The following HEATR5A variants were observed in gnomAD, a reference collection of about 807,000 sequenced individuals.
HEATR5A encodes HEAT repeat-containing protein 5A.
HEATR5A carries 178 observed loss-of-function variants against 218.8 expected under a neutral mutation model. The ratio of observed to expected loss-of-function variants is 0.81; its 90% confidence interval spans 0.72 to 0.92. HEATR5A has a LOEUF of 0.92. HEATR5A is among the 40% of genes least tolerant of loss of function. The pLI is 0.00. For missense variants in HEATR5A, 2,420 were observed against 2,418.9 expected (o/e 1.00, Z -0.01); for synonymous variants, 864 against 871.6 (o/e 0.99, Z 0.15).
At chr14:31,336,518 T>G (rs1900676652) in intron 22 of HEATR5A, among the ~76,000 whole-genome samples, 1 of 152,024 alleles carries the variant, frequency 6.6e-6, no homozygotes. Context: ...AGGCTAATAG[T>G]TTCTTTGAAT....
At chr14:31,347,649 A>G in intron 19 of HEATR5A, 99 bp downstream of exon 19, 3 of 895,028 alleles carry the variant, frequency 3.4e-6, no homozygotes, top group Non-Finnish European at 4.5e-6. Context: ...TTACTATGGG[A>G]GGAAACTATA....
In HEATR5A at chr14:31,315,853, C is replaced by A. The variant is rs147839466; in HGVS notation, c.4135G>T (p.Ala1379Ser). 7.2e-4 allele frequency: 1,155 copies of A among 1,611,444 alleles called. 18 individuals are homozygous for A. In the African/African-American group the frequency reaches 0.013, roughly 18 times the overall value. Reference sequence around the variant, plus strand: ...AAGTGACTTAGAGCTTCTTTTCCAGCCTGTATTTTAGTTAACGATGAAACA... The same window carrying A: ...AAGTGACTTAGAGCTTCTTTTCCAGACTGTATTTTAGTTAACGATGAAACA... ...LLVSSLTKIQ[A>S]GKEALSHLYN... Residue 1379 changes from alanine to serine, a missense_variant, in exon 27 of 36, where the codon GCT becomes TCT. Coordinates refer to ENST00000543095, the MANE Select transcript of HEATR5A (RefSeq NM_015473.4).
intron 7 of HEATR5A, among the ~76,000 whole-genome samples, chr14:31,388,637 G>C (rs993332223): frequency 2.0e-5 from 3 of 152,114 alleles, no homozygotes; most frequent in African/African-American, 7.2e-5. Flanking sequence ...TCCATTATTA[G>C]GAACGCAAAA....
chr14:31,387,523 T>C (rs1048464466), intron 7 of HEATR5A, 148 bp from the exon 8 acceptor site: 6 of 708,644 alleles, frequency 8.5e-6, no homozygotes, highest in Non-Finnish European at 1.2e-5. Context: ...TATACAAACA[T>C]AGCACCATTT....
chr14:31,395,454 T>C, intron 4 of HEATR5A, 106 bp from the exon 5 acceptor site: 2 of 528,238 alleles, frequency 3.8e-6, no homozygotes, highest in Non-Finnish European at 6.5e-6. Flanking sequence ...CAGACTTCTC[T>C]ACATACTAAC....
chr14:31,315,652 G>T, intron 27 of HEATR5A, 118 bp downstream of exon 27: 2 of 702,740 alleles, frequency 2.8e-6, no homozygotes, highest in Non-Finnish European at 4.5e-6. Context: ...AATTCTTTTT[G>T]TTTAACCTTA....
At chr14:31,395,977 T>A (rs1213896686) in intron 4 of HEATR5A, among the ~76,000 whole-genome samples, 1 of 152,200 alleles carries the variant, frequency 6.6e-6, no homozygotes, top group East Asian at 1.9e-4. Flanking sequence ...ATTGTTCTTA[T>A]TTCCTCATCT....
intron 30 of HEATR5A, 93 bp from the exon 31 acceptor site, chr14:31,306,972 A>G (rs1899574629): frequency 9.5e-7 from 1 of 1,054,530 alleles, no homozygotes; most frequent in Admixed American, 3.0e-5. Flanking sequence ...CAAAATTCAG[A>G]AAAACAGAAT....
At chr14:31,294,428 C>CTT (rs1566743630) in intron 34 of HEATR5A, among the ~76,000 whole-genome samples, 151 of 56,142 alleles carry the variant, frequency 2.7e-3, no homozygotes, top group African/African-American at 6.7e-3. Context: ...CCTCCTGTAA[C>CTT]ATTTTTTTTT....
At chr14:31,368,540 C>T (rs1397944973) in intron 13 of HEATR5A, among the ~76,000 whole-genome samples, 3 of 150,986 alleles carry the variant, frequency 2.0e-5, no homozygotes, top group Non-Finnish European at 4.4e-5. Context: ...AGGAAGACTT[C>T]TTTTTTTTTG....
intron 8 of HEATR5A, 136 bp downstream of exon 8, chr14:31,386,984 A>T: frequency 1.2e-6 from 1 of 807,502 alleles, no homozygotes; most frequent in Non-Finnish European, 2.0e-6. Flanking sequence ...TATAGGAAGT[A>T]CAACATGAAT....
At chr14:31,299,173 T>G (rs1241046281) in intron 33 of HEATR5A, among the ~76,000 whole-genome samples, 1 of 152,220 alleles carries the variant, frequency 6.6e-6, no homozygotes, top group Non-Finnish European at 1.5e-5. Context: ...CCAGACTACT[T>G]TTGAAATAAC....
chr14:31,328,137 A>G (rs1900332288), intron 22 of HEATR5A, among the ~76,000 whole-genome samples: 2 of 151,694 alleles, frequency 1.3e-5, no homozygotes, highest in African/African-American at 4.8e-5. Flanking sequence ...ATTACCTTGT[A>G]GAGACGAGGT....
chr14:31,306,932 T>C (rs990405431), intron 30 of HEATR5A, 53 bp from the exon 31 acceptor site: 36 of 1,393,720 alleles, frequency 2.6e-5, no homozygotes, highest in Middle Eastern at 1.9e-4. Context: ...ACATTTCTTT[T>C]GTAAAAAATA....
At chr14:31,413,526 T>C (rs555582553) in intron 1 of HEATR5A, among the ~76,000 whole-genome samples, 2 of 151,650 alleles carry the variant, frequency 1.3e-5, no homozygotes, top group Non-Finnish European at 2.9e-5. Context: ...TCCTTCCAGA[T>C]TACAAAAGAG....
chr14:31,414,482 C>T (rs1409919263), intron 1 of HEATR5A, among the ~76,000 whole-genome samples: 10 of 152,074 alleles, frequency 6.6e-5, no homozygotes, highest in African/African-American at 2.4e-4. Context: ...ATGAAAGAGA[C>T]AAATAATATT....
intron 34 of HEATR5A, chr14:31,295,439 T>C (rs1331411274): frequency 6.5e-6 from 1 of 152,686 alleles, no homozygotes; most frequent in Admixed American, 6.6e-5. Flanking sequence ...TAGGGATGCA[T>C]TCTCACCATG....
rs577903189 is a variant in HEATR5A, at chr14:31,410,808, TA to T, written c.-74-7760del. On this transcript the variant is annotated intron_variant, in intron 1 of 35. Transcript: ENST00000543095. ...ACAATAAAATACTTTAAAATTAGGCTAAAAAAAATCACTTGCCTCAGAAAAC... is the reference window on the plus strand; with the variant it reads ...ACAATAAAATACTTTAAAATTAGGCTAAAAAAATCACTTGCCTCAGAAAAC... Among the ~76,000 whole-genome samples, 29 of 151,984 alleles carry T rather than the reference TA, an allele frequency of 1.9e-4. 1 individual carries two copies. Among genetic ancestry groups the T allele is most frequent in the African/African-American group, 3.6e-4 (15 of 41,502 alleles).
chr14:31,304,540 C>T (rs1343209941), intron 32 of HEATR5A, among the ~76,000 whole-genome samples: 1 of 152,048 alleles, frequency 6.6e-6, no homozygotes, highest in Non-Finnish European at 1.5e-5. Flanking sequence ...GCCTTAGCCT[C>T]TTGAGTAGCT....
Sources: allele counts gnomAD v4.1 joint callset (sites outside exome capture counted in the v4.1 genomes callset), GRCh38; gene constraint gnomAD v4.1.1; transcripts MANE v1.5; gene names NCBI Gene and HGNC (gene_info 2026-07-23, HGNC 2026-07-21).